The following BMP7 variants were observed in gnomAD, a reference collection of about 807,000 sequenced individuals.
BMP7 encodes the protein osteogenic protein 1.
A neutral mutation model predicts 41.2 loss-of-function variants in BMP7; 12 were observed. That is an observed-to-expected ratio of 0.29 (90% CI 0.19 to 0.47). BMP7 has a LOEUF of 0.47. Among genes scored for constraint, BMP7 ranks in the 20% least tolerant of loss-of-function variants. BMP7 has a pLI of 0.99. For missense variants in BMP7, 467 were observed against 606.0 expected, an observed-to-expected ratio of 0.77 and a Z score of 2.41; for synonymous variants, 248 against 250.0, an observed-to-expected ratio of 0.99 and a Z score of 0.07.
At chr20:57,254,659 A>C (rs1215679899) in intron 1 of BMP7, among the ~76,000 whole-genome samples, 2 of 151,796 alleles carry the variant, frequency 1.3e-5, no homozygotes, top group African/African-American at 4.8e-5. Flanking sequence ...AAAAAAAAAA[A>C]ACAAAAAACA....
At chr20:57,205,048 A>G (rs1386202986) in intron 2 of BMP7, among the ~76,000 whole-genome samples, 2 of 152,200 alleles carry the variant, frequency 1.3e-5, no homozygotes, top group African/African-American at 2.4e-5. Context: ...GTCATCTTGA[A>G]GCAGAGGGCA....
intron 3 of BMP7, among the ~76,000 whole-genome samples, chr20:57,188,467 T>C (rs946331711): frequency 3.3e-5 from 5 of 151,282 alleles, no homozygotes; most frequent in African/African-American, 1.2e-4. Flanking sequence ...AGAGAGTGGC[T>C]CTTAAGGGAT....
At chr20:57,172,450 G>A (rs900614062) in intron 6 of BMP7, among the ~76,000 whole-genome samples, 9 of 152,188 alleles carry the variant, frequency 5.9e-5, no homozygotes, top group African/African-American at 2.2e-4. Context: ...AAAGAAGGAG[G>A]CAGATTACTA....
chr20:57,265,057 GAAAAAAAAAGAA>G lies in BMP7; in HGVS notation c.418+636_418+647del, dbSNP rs1402783375. Among the ~76,000 whole-genome samples, 175 of 127,978 alleles carry G rather than the reference GAAAAAAAAAGAA, an allele frequency of 1.4e-3. 1 individual carries two copies. The highest frequency in any genetic ancestry group is 3.6e-3 in the Middle Eastern group (1 of 274). The allele number at this position is 127,978 out of a possible 152,430, so 84.0% of individuals were successfully genotyped here. A position where few individuals can be genotyped will look rare whatever the true frequency, so the allele number is the denominator to read the frequency against. On this transcript the variant is annotated intron_variant, in intron 1 of 6. Transcript: ENST00000395863. ...AAAAAAAAAAAAAAAGAAAAGAAAA[GAAAAAAAAAGAA>G]AAAAGAAAAAAATAAACAAAGAAAG...
chr20:57,223,296 A>C (rs1183483872), intron 2 of BMP7, among the ~76,000 whole-genome samples: 2 of 152,122 alleles, frequency 1.3e-5, no homozygotes, highest in Admixed American at 6.5e-5. Flanking sequence ...TGGGTGAGAA[A>C]TTAGAGAGAT....
At position 57,259,852 on chromosome 20, in the gene BMP7, CA is replaced by C. The variant is rs1314862384; in HGVS notation, c.418+5852del. Among the ~76,000 whole-genome samples, 1 of 151,810 alleles carries C rather than the reference CA, an allele frequency of 6.6e-6. No individual in the cohort carries two copies. The highest frequency in any genetic ancestry group is 1.5e-5 in the Non-Finnish European group (1 of 67,878). On this transcript the variant is annotated intron_variant, in intron 1 of 6. Coordinates refer to ENST00000395863, the MANE Select transcript of BMP7 (RefSeq NM_001719.3). This position sits in a 1 kb window ranked among gnomAD's most constrained non-coding sequence, Gnocchi z 4.7. Reference sequence around the variant, plus strand: ...ATTGCTATTTCAGTTTGAGTTTGAGCAATTTTTTTTTTGCCGGGGAAGCTTA... The same window carrying C: ...ATTGCTATTTCAGTTTGAGTTTGAGCATTTTTTTTTTGCCGGGGAAGCTTA...
chr20:57,265,735 C>A lies in BMP7; in HGVS notation c.388G>T (p.Ala130Ser). Residue 130 changes from alanine (A) to serine (S), a missense_variant, in exon 1 of 7, where the codon GCC becomes TCC. Transcript: ENST00000395863. ...TTGACGAAGCTCATGACCATGTCGGCGTCGGTGAGGAAATGGCTATCTTGC... is the reference window on the plus strand; with the variant it reads ...TTGACGAAGCTCATGACCATGTCGGAGTCGGTGAGGAAATGGCTATCTTGC... ...SLQDSHFLTD[A>S]DMVMSFVNLV... is the part of the protein sequence containing the mutation. 6.2e-7 allele frequency: 1 copy of A among 1,609,452 alleles called. No individual in the cohort carries two copies. The highest frequency in any genetic ancestry group is 2.2e-5 in the East Asian group (1 of 44,692).
chr20:57,193,280 A>G (rs1048293187), intron 3 of BMP7, among the ~76,000 whole-genome samples: 16 of 152,206 alleles, frequency 1.1e-4, no homozygotes, highest in African/African-American at 3.9e-4. Flanking sequence ...AACTGGGGTG[A>G]TGCTGCTCCC....
At chr20:57,210,705 A>G (rs1041282663) in intron 2 of BMP7, among the ~76,000 whole-genome samples, 1 of 152,224 alleles carries the variant, frequency 6.6e-6, no homozygotes, top group Non-Finnish European at 1.5e-5. Context: ...ACATGGCCAC[A>G]CAGTGCACAC....
chr20:57,235,595 TGGACTCTTAAGGAAGAACGGAG>T (rs937996362), intron 1 of BMP7, among the ~76,000 whole-genome samples: 4 of 152,124 alleles, frequency 2.6e-5, no homozygotes, highest in African/African-American at 9.7e-5. Flanking sequence ...AGGTGCTGAA[TGGACTCTTAAGGAAGAACGGAG>T]GCCCACTAGT....
chr20:57,247,203 G>C (rs1407119003), intron 1 of BMP7, among the ~76,000 whole-genome samples: 2 of 152,194 alleles, frequency 1.3e-5, no homozygotes, highest in African/African-American at 4.8e-5. Flanking sequence ...TGATTCATGA[G>C]TGAACATGTG....
chr20:57,257,993 A>G (rs567598663), intron 1 of BMP7, among the ~76,000 whole-genome samples: 1 of 152,214 alleles, frequency 6.6e-6, no homozygotes, highest in Non-Finnish European at 1.5e-5. Context: ...AGCACAAGAC[A>G]GGGCAGGCCT....
At chr20:57,255,791 C>T (rs2066131556) in intron 1 of BMP7, among the ~76,000 whole-genome samples, 2 of 103,678 alleles carry the variant, frequency 1.9e-5, no homozygotes, top group East Asian at 2.8e-4. Flanking sequence ...TAGCGAGAGA[C>T]TCCATCTCAA....
At position 57,254,654 on chromosome 20, in the gene BMP7, A is replaced by AAAAAAAC. The variant is rs1276382169; in HGVS notation, c.418+11044_418+11050dup. 2.0e-5 allele frequency among the ~76,000 whole-genome samples: 3 copies of AAAAAAAC among 151,972 alleles called. No individual in the cohort carries two copies. The East Asian group carries it at 5.8e-4, about 29-fold the overall frequency. ...CAGTCTACATTGATACAGTAAAAAA[A>AAAAAAAC]AAAAAACAAAAAACAAAAACAAAAA... is the stretch of plus-strand genomic sequence containing the variant. On this transcript the variant is annotated intron_variant, in intron 1 of 6. Coordinates refer to ENST00000395863, the MANE Select transcript of BMP7 (RefSeq NM_001719.3).
chr20:57,185,058 C>T (rs1249254134), intron 3 of BMP7, among the ~76,000 whole-genome samples: 5 of 152,258 alleles, frequency 3.3e-5, no homozygotes, highest in East Asian at 3.9e-4. Flanking sequence ...GCCACTCAGG[C>T]TGCCCCTGGA....
intron 3 of BMP7, among the ~76,000 whole-genome samples, chr20:57,186,295 G>C (rs1422216193): frequency 2.0e-5 from 3 of 152,140 alleles, no homozygotes; most frequent in African/African-American, 4.8e-5. Flanking sequence ...GGAAGAATGG[G>C]GACACCAACA....
intron 2 of BMP7, among the ~76,000 whole-genome samples, chr20:57,210,721 C>T (rs1428173234): frequency 6.6e-6 from 1 of 152,222 alleles, no homozygotes; most frequent in African/African-American, 2.4e-5. Flanking sequence ...CACACTGTCT[C>T]GTTACCTGGG....
At position 57,214,522 on chromosome 20, in the gene BMP7, G is replaced by A. The variant is rs191540196; in HGVS notation, c.612-11899C>T. Among the ~76,000 whole-genome samples the A allele has an allele frequency of 5.3e-5, 8 of 152,170 alleles. No homozygotes were observed. Among genetic ancestry groups the A allele is most frequent in the Admixed American group, 5.2e-4 (8 of 15,282 alleles). On this transcript the variant is annotated intron_variant, in intron 2 of 6. Coordinates refer to ENST00000395863, the MANE Select transcript of BMP7 (RefSeq NM_001719.3). This position sits in a 1 kb window ranked among gnomAD's most constrained non-coding sequence, Gnocchi z 4.0. ...TAAGGCCCTGGATGGTCCGGCCCCTGTCTCCACAGCCTCCTCCCACCCAGC... is the reference window on the plus strand; with the variant it reads ...TAAGGCCCTGGATGGTCCGGCCCCTATCTCCACAGCCTCCTCCCACCCAGC...
At chr20:57,256,220 T>C (rs1021017316) in intron 1 of BMP7, among the ~76,000 whole-genome samples, 3 of 152,216 alleles carry the variant, frequency 2.0e-5, no homozygotes, top group African/African-American at 7.2e-5. Flanking sequence ...ATAATTGTTA[T>C]GCAAATTCCA....
Sources: gnomAD v4.1 joint callset for allele counts (sites outside exome capture counted in the v4.1 genomes callset) on GRCh38, gnomAD v4.1.1 for gene constraint, Gnocchi (gnomAD v3.1) non-coding constraint, MANE v1.5 for transcripts, NCBI Gene and HGNC (gene_info 2026-07-23, HGNC 2026-07-21) for gene names.